Variants in PCDH20 observed in about 807,000 individuals in gnomAD.
The protein encoded by PCDH20 is protocadherin 20, also known as protocadherin-20.
In PCDH20, 18 loss-of-function variants were observed where a neutral mutation model predicts 39.7. The observed-to-expected ratio is 0.45, with a 90% CI of 0.31 to 0.67. The LOEUF is 0.67. Among genes scored for constraint, PCDH20 ranks in the 30% least tolerant of loss-of-function variants. PCDH20 has a pLI of 0.05. For missense variants in PCDH20, 1,161 were observed against 1,167.4 expected (o/e 0.99, Z 0.08); for synonymous variants, 495 against 455.4 (o/e 1.09, Z -1.11).
chr13:61,412,113 A>G, exon 2 of PCDH20: 4 of 1,614,092 alleles, frequency 2.5e-6, no homozygotes, highest in South Asian at 1.1e-5. Flanking sequence ...CATCTGTTAC[A>G]CTAATTACTC....
rs566921128 is a variant in PCDH20, at chr13:61,414,095, C to A, written c.133-129G>T. ...CCAGAAGCAAAACCTCTAATTAGAA[C>A]GGGGGCGGAGAAGAACCCTGCTGCG... On this transcript the variant is annotated intron_variant, in intron 1 of 1. Transcript: ENST00000409204. 5 of 821,682 alleles carry A rather than the reference C, an allele frequency of 6.1e-6. No homozygotes were observed. The South Asian group carries it at 9.4e-5, about 15-fold the overall frequency. The allele number at this position is 821,682 out of a possible 1,614,324, so 50.9% of individuals were successfully genotyped here. A position where few individuals can be genotyped will look rare whatever the true frequency, so the allele number is the denominator to read the frequency against.
Position 61,411,388 on chromosome 13 carries a change from A to G in PCDH20, c.2711T>C (p.Val904Ala), listed in dbSNP as rs1375097509. 2 of 1,614,054 alleles carry G rather than the reference A, an allele frequency of 1.2e-6. No homozygotes were observed. The highest frequency in any genetic ancestry group is 1.7e-6 in the Non-Finnish European group (2 of 1,179,986). Residue 904 changes from valine to alanine, a missense_variant, in exon 2 of 2, where the codon GTC (valine) becomes GCC (alanine). By Grantham distance (64) the Val-to-Ala change is moderately conservative. Coordinates refer to ENST00000409204, the Ensembl canonical transcript of PCDH20. The stretch of plus-strand genomic sequence containing the variant: ...ACAGATGTATATGCCCATCCCTGTG[A>G]CCAGTGTGATGGAACCCAAGCTTAT...
exon 1 of PCDH20, chr13:61,415,244 C>T: frequency 7.8e-7 from 1 of 1,279,234 alleles, no homozygotes. Context: ...GCTGGGGGAA[C>T]TTCAGCCAAT....
At chr13:61,412,238 A>C (rs1466456233) in exon 2 of PCDH20, 2 of 1,614,052 alleles carry the variant, frequency 1.2e-6, no homozygotes, top group African/African-American at 2.7e-5. Flanking sequence ...GTGGCTACTG[A>C]TTCTCTGGGT....
rs1435798498 is a variant in PCDH20 at position 61,413,969 on chromosome 13, G to A, written c.133-3C>T. 3.1e-6 allele frequency: 5 copies of A among 1,601,686 alleles called. No homozygotes were observed. Reference sequence around the variant, plus strand: ...AAGAGGAAAAACAGAAACAGATGCTGGAGTTGGGGGAGGGAAGAAAGCTCA... The same window carrying A: ...AAGAGGAAAAACAGAAACAGATGCTAGAGTTGGGGGAGGGAAGAAAGCTCA... On this transcript the variant is annotated splice_polypyrimidine_tract_variant and splice_region_variant and intron_variant, in intron 1 of 1. Transcript: ENST00000409204.
chr13:61,415,106 C>CT lies in PCDH20; in HGVS notation c.52_53insA (p.Cys18Ter), dbSNP rs764998248. ...CAGGCGCGGGTGCCAGGTCGCCGGGCACCAGCTCACTCCCAGGGCCTGTGA... is the reference window on the plus strand; with the variant it reads ...CAGGCGCGGGTGCCAGGTCGCCGGGCTACCAGCTCACTCCCAGGGCCTGTGA... Residue 18 changes from cysteine (C) to a stop codon, truncating the protein, a stop_gained and frameshift_variant, in exon 1 of 2, where the codon TGC becomes TAGC. Transcript: ENST00000409204. LOFTEE classifies it high-confidence loss of function. 1 of 1,557,244 alleles carries CT rather than the reference C, an allele frequency of 6.4e-7. No individual in the cohort carries two copies. The highest frequency in any genetic ancestry group is 1.8e-5 in the Admixed American group (1 of 54,100).
At chr13:61,412,511 C>T (rs1408283170) in exon 2 of PCDH20, 11 of 1,614,046 alleles carry the variant, frequency 6.8e-6, no homozygotes, top group Non-Finnish European at 9.3e-6. Flanking sequence ...GGAGCATTAT[C>T]ATTGTCATCT....
exon 2 of PCDH20, chr13:61,413,823 C>T: frequency 6.2e-7 from 1 of 1,612,742 alleles, no homozygotes; most frequent in Non-Finnish European, 8.5e-7. Flanking sequence ...CAGACCTGGG[C>T]AGCAGCCGCA....
exon 2 of PCDH20, chr13:61,410,348 C>A (rs1323661731): frequency 6.6e-6 from 1 of 151,960 alleles, no homozygotes; most frequent in Admixed American, 6.5e-5. Context: ...AATATATAAC[C>A]CAAGTATAAA....
Position 61,412,586 on chromosome 13 carries a change from C to G in PCDH20, c.1513G>C (p.Val505Leu), listed in dbSNP as rs766494937. 1.1e-5 allele frequency: 17 copies of G among 1,614,124 alleles called. No homozygotes were observed. The Admixed American group carries it at 2.8e-4, about 27-fold the overall frequency. ...TCAGAGTTCCAAGCCACCACAGCTA[C>G]TTCATAGAACTGCTGTAGCTCATAG... is the stretch of plus-strand genomic sequence containing the variant. Residue 505 changes from valine (V) to leucine (L), a missense_variant, in exon 2 of 2, where the codon GTA (valine) becomes CTA (leucine). By Grantham distance (32) the Val-to-Leu change is conservative (BLOSUM62 1). This residue lies in a region of PCDH20 where 754 missense variants were observed against 777.5 expected (regional missense o/e 0.97). Coordinates refer to ENST00000409204, the Ensembl canonical transcript of PCDH20.
exon 2 of PCDH20, chr13:61,411,115 A>C: frequency 1.3e-6 from 1 of 793,990 alleles, no homozygotes; most frequent in Admixed American, 2.9e-5. Context: ...GTAAACAGCT[A>C]TTTACAATAT....
exon 1 of PCDH20, chr13:61,415,320 G>A (rs1871524697): frequency 1.2e-6 from 1 of 821,160 alleles, no homozygotes; most frequent in Non-Finnish European, 1.7e-6. Context: ...GGGCAGAAGG[G>A]CACATTCATG....
chr13:61,410,529 A>T (rs960995358), exon 2 of PCDH20: 2 of 152,584 alleles, frequency 1.3e-5, no homozygotes, highest in African/African-American at 4.8e-5. Flanking sequence ...CCTTGTAATA[A>T]TAACAAGTGC....
At chr13:61,413,448 C>G (rs775270471) in exon 2 of PCDH20, 21 of 1,613,612 alleles carry the variant, frequency 1.3e-5, no homozygotes, top group Non-Finnish European at 1.4e-5. Flanking sequence ...TTTCCGGGAC[C>G]CACACCGAGA....
At chr13:61,411,080 C>A in exon 2 of PCDH20, 2 of 597,600 alleles carry the variant, frequency 3.3e-6, no homozygotes, top group South Asian at 2.4e-5. Context: ...CATTTTATAA[C>A]CTCTGAATTT....
At chr13:61,411,896 T>C (rs1211408821) in exon 2 of PCDH20, 1 of 1,614,042 alleles carries the variant, frequency 6.2e-7, no homozygotes, top group African/African-American at 1.3e-5. Context: ...TTGTCATTGA[T>C]ATCTAGAAGG....
In PCDH20 at chr13:61,413,468, CAG is replaced by C. The variant is rs767273339; in HGVS notation, c.629_630del (p.Pro210ArgfsTer32). ...GGGACCCACACCGAGATCTGGGAAA[CAG>C]GGAACTGCGGGGCGTTGTCATTGAT... On this transcript the variant is annotated frameshift_variant, in exon 2 of 2. Coordinates refer to ENST00000409204, the Ensembl canonical transcript of PCDH20. LOFTEE classifies it high-confidence loss of function. The C allele has an allele frequency of 6.2e-6, 10 of 1,613,946 alleles. No individual in the cohort carries two copies. Among genetic ancestry groups the C allele is most frequent in the Non-Finnish European group, 8.5e-6 (10 of 1,180,014 alleles).
At chr13:61,412,610 A>G in exon 2 of PCDH20, 1 of 1,614,148 alleles carries the variant, frequency 6.2e-7, no homozygotes, top group Non-Finnish European at 8.5e-7. Context: ...TGTAGCTCAT[A>G]GTCCATAGGT....
chr13:61,412,268 C>T (rs1878261931), exon 2 of PCDH20: 1 of 1,614,044 alleles, frequency 6.2e-7, no homozygotes. Flanking sequence ...CAGTCAACAG[C>T]TCTGACAGTG....
Sources: gnomAD v4.1 joint callset for allele counts on GRCh38, gnomAD v4.1.1 for gene constraint, gnomAD v4.1.1 regional missense constraint, MANE v1.5 for transcripts, NCBI Gene and HGNC (gene_info 2026-07-23, HGNC 2026-07-21) for gene names.